The following NFATC2 variants were observed in gnomAD, a reference collection of about 807,000 sequenced individuals.
NFATC2 encodes nuclear factor of activated T-cells, cytoplasmic 2.
A neutral mutation model predicts 87.3 loss-of-function variants in NFATC2; 22 were observed. The observed-to-expected ratio is 0.25, with a 90% confidence interval of 0.18 to 0.36. NFATC2 has a LOEUF of 0.36. Ranked by LOEUF, NFATC2 falls within the 10% of genes least tolerant of loss-of-function variation. The pLI is 1.00. For synonymous variants in NFATC2, 565 were observed against 542.2 expected (o/e 1.04, Z -0.58); for missense variants, 1,149 against 1,259.1 (o/e 0.91, Z 1.32).
Position 51,393,746 on chromosome 20 carries a change from G to A in NFATC2, c.*45-2295C>T, listed in dbSNP as rs1453686187. On this transcript the variant is annotated intron_variant, in intron 10 of 10. Coordinates refer to ENST00000371564, the MANE Select transcript of NFATC2 (RefSeq NM_012340.5). ...GCTTTTCAAAGCCCGGATTCCAAAG[G>A]GCTTCCTGTTTTCTCAACCTAGGAA... 2.0e-5 allele frequency among the ~76,000 whole-genome samples: 3 copies of A among 152,280 alleles called. No individual in the cohort carries two copies. The South Asian group carries it at 6.2e-4, about 32-fold the overall frequency.
intron 1 of NFATC2, among the ~76,000 whole-genome samples, chr20:51,560,032 A>T (rs2077008524): frequency 6.6e-6 from 1 of 152,260 alleles, no homozygotes; most frequent in African/African-American, 2.4e-5. Flanking sequence ...AGTAGAAAGT[A>T]CTGCATCTCT....
At chr20:51,400,776 TGA>T (rs1464475675) in intron 9 of NFATC2, among the ~76,000 whole-genome samples, 1 of 151,994 alleles carries the variant, frequency 6.6e-6, no homozygotes, top group Non-Finnish European at 1.5e-5. Context: ...GGGGTGGTGG[TGA>T]GAGTTCCATT....
At chr20:51,417,191 C>T (rs1980165541) in intron 9 of NFATC2, among the ~76,000 whole-genome samples, 1 of 152,098 alleles carries the variant, frequency 6.6e-6, no homozygotes, top group Non-Finnish European at 1.5e-5. Flanking sequence ...ACCATCCCTG[C>T]CTTCCACGGC....
At chr20:51,448,387 A>G (rs1342239644) in intron 6 of NFATC2, among the ~76,000 whole-genome samples, 1 of 152,234 alleles carries the variant, frequency 6.6e-6, no homozygotes, top group Non-Finnish European at 1.5e-5. Context: ...CGCGCCTGTA[A>G]TCCCAACACT....
At chr20:51,538,929 C>G (rs2076763098) in intron 1 of NFATC2, among the ~76,000 whole-genome samples, 2 of 152,176 alleles carry the variant, frequency 1.3e-5, no homozygotes, top group South Asian at 2.1e-4. Flanking sequence ...ACCTTGCTAA[C>G]TGGTTTGCAT....
intron 10 of NFATC2, among the ~76,000 whole-genome samples, chr20:51,395,161 T>G (rs772610997): frequency 1.3e-5 from 2 of 152,182 alleles, no homozygotes; most frequent in Non-Finnish European, 2.9e-5. Flanking sequence ...TGCCAGGCCC[T>G]ATACAGTGCC....
chr20:51,431,062 T>C (rs894768652), intron 9 of NFATC2, among the ~76,000 whole-genome samples: 1 of 152,186 alleles, frequency 6.6e-6, no homozygotes, highest in African/African-American at 2.4e-5. Context: ...GGATAAACGC[T>C]TGAGGGGATG....
chr20:51,451,596 G>A (rs972990744), intron 6 of NFATC2, among the ~76,000 whole-genome samples: 7 of 152,216 alleles, frequency 4.6e-5, no homozygotes, highest in Admixed American at 2.0e-4. Flanking sequence ...ACCACAGACC[G>A]GTACTAGGCG....
At position 51,499,389 on chromosome 20, in the gene NFATC2, C is replaced by T. The variant is rs374149136; in HGVS notation, c.1332+17395G>A. 5.3e-5 allele frequency among the ~76,000 whole-genome samples: 8 copies of T among 152,204 alleles called. No homozygotes were observed. The South Asian group carries it at 8.3e-4, about 16-fold the overall frequency. On this transcript the variant is annotated intron_variant, in intron 3 of 10. Coordinates refer to ENST00000371564, the MANE Select transcript of NFATC2 (RefSeq NM_012340.5). ...TGCACAGAACTGTGAGGAAGGCCAACAGGCCAACTGGATGCCCATAAAAGA... is the reference window on the plus strand; with the variant it reads ...TGCACAGAACTGTGAGGAAGGCCAATAGGCCAACTGGATGCCCATAAAAGA...
Position 51,419,740 on chromosome 20 carries a change from C to T in NFATC2, c.2722+12327G>A, listed in dbSNP as rs74335281. 6.1e-3 allele frequency among the ~76,000 whole-genome samples: 935 copies of T among 152,254 alleles called. 13 individuals are homozygous for T. Among genetic ancestry groups the T allele is most frequent in the African/African-American group, 0.021 (885 of 41,534 alleles). On this transcript the variant is annotated intron_variant, in intron 9 of 10. Coordinates refer to ENST00000371564, the MANE Select transcript of NFATC2 (RefSeq NM_012340.5). ...ATCACGCTCAAAGACTCCATAACAC[C>T]GCAAGGAGTATCTCAGCAGCTGGCA...
At chr20:51,470,154 G>A (rs1048594764) in intron 5 of NFATC2, among the ~76,000 whole-genome samples, 1 of 152,148 alleles carries the variant, frequency 6.6e-6, no homozygotes, top group East Asian at 1.9e-4. Context: ...GAAGACGGGG[G>A]TGATCCCTCT....
chr20:51,486,126 G>A (rs188934246), intron 3 of NFATC2, among the ~76,000 whole-genome samples: 9 of 152,054 alleles, frequency 5.9e-5, no homozygotes, highest in East Asian at 5.8e-4. Flanking sequence ...CATGAGAATC[G>A]CTTGAACCCG....
chr20:51,516,945 T>C lies in NFATC2; in HGVS notation c.1171A>G (p.Thr391Ala). 1 of 1,609,152 alleles carries C rather than the reference T, an allele frequency of 6.2e-7. No individual in the cohort carries two copies. The highest frequency in any genetic ancestry group is 8.5e-7 in the Non-Finnish European group (1 of 1,178,010). Residue 391 changes from threonine to alanine, a missense_variant, in exon 3 of 11, where the codon ACT becomes GCT. By Grantham distance (58) the Thr-to-Ala change is moderately conservative. Coordinates refer to ENST00000371564, the MANE Select transcript of NFATC2 (RefSeq NM_012340.5). ...PAIPICSIPV[T>A]ASLPPLEWPL... Reference sequence around the variant, plus strand: ...CACTCAAGTGGAGGGAGGGATGCAGTCACTGGGATGCTAAAGGAGAAAATA... The same window carrying C: ...CACTCAAGTGGAGGGAGGGATGCAGCCACTGGGATGCTAAAGGAGAAAATA...
intron 5 of NFATC2, 32 bp downstream of exon 5, chr20:51,473,948 G>C: frequency 6.2e-7 from 1 of 1,605,234 alleles, no homozygotes; most frequent in Non-Finnish European, 8.5e-7. Context: ...TACGCTTTCT[G>C]AAGAAAGACC....
intron 5 of NFATC2, among the ~76,000 whole-genome samples, chr20:51,461,438 TG>T (rs1987136615): frequency 6.6e-6 from 1 of 152,210 alleles, no homozygotes; most frequent in African/African-American, 2.4e-5. Context: ...AGCTTCAAGG[TG>T]GCCCCTGCAA....
intron 10 of NFATC2, among the ~76,000 whole-genome samples, chr20:51,396,698 A>AC (rs35421845): frequency 6.6e-6 from 1 of 152,014 alleles, no homozygotes; most frequent in African/African-American, 2.4e-5. Context: ...CCAAGGCACC[A>AC]CCCCCCAGTC....
At chr20:51,467,220 C>T (rs1403641178) in intron 5 of NFATC2, among the ~76,000 whole-genome samples, 1 of 151,882 alleles carries the variant, frequency 6.6e-6, no homozygotes, top group Non-Finnish European at 1.5e-5. Context: ...ATATGAATAA[C>T]CCAGTTAAAA....
intron 3 of NFATC2, among the ~76,000 whole-genome samples, chr20:51,503,290 C>T (rs1489806228): frequency 6.6e-6 from 1 of 152,228 alleles, no homozygotes; most frequent in Non-Finnish European, 1.5e-5. Flanking sequence ...GCACTTGGCA[C>T]TGTGCTAAGT....
chr20:51,458,140 G>A lies in NFATC2; in HGVS notation c.1709-3452C>T, dbSNP rs79243669. ...GATCTGCCTGCCTCGGCCTCCCGAA[G>A]TGTTGGGATTATAGGCACGAGCCAC... On this transcript the variant is annotated intron_variant, in intron 5 of 10. Transcript: ENST00000371564. 7.7e-3 allele frequency among the ~76,000 whole-genome samples: 1,178 copies of A among 152,282 alleles called. 19 individuals are homozygous for A. The highest frequency in any genetic ancestry group is 0.027 in the African/African-American group (1,125 of 41,532).
Sources: gnomAD v4.1 joint callset for allele counts (sites outside exome capture counted in the v4.1 genomes callset) on GRCh38, gnomAD v4.1.1 for gene constraint, MANE v1.5 for transcripts, NCBI Gene and HGNC (gene_info 2026-07-23, HGNC 2026-07-21) for gene names.